Variants in HK1 observed in about 807,000 individuals in gnomAD.
The protein encoded by HK1 is hexokinase 1.
A neutral mutation model predicts 91.6 loss-of-function variants in HK1; 28 were observed. The ratio of observed to expected loss-of-function variants is 0.31; its 90% CI spans 0.23 to 0.42. HK1 has a LOEUF of 0.42. Ranked by LOEUF, HK1 falls within the 10% of genes least tolerant of loss-of-function variation. The pLI, the probability that HK1 is intolerant of heterozygous loss-of-function variation, is 1.00. For synonymous variants in HK1, 430 were observed against 468.1 expected (o/e 0.92, Z 1.05); for missense variants, 770 against 1,219.8 (o/e 0.63, Z 5.49).
chr10:69,333,586 G>A (rs1389487326), intron 1 of HK1, among the ~76,000 whole-genome samples: 1 of 152,064 alleles, frequency 6.6e-6, no homozygotes, highest in Non-Finnish European at 1.5e-5. Context: ...CCCTACTCAG[G>A]TTCTCCTAGG....
chr10:69,288,757 GC>G (rs1413333035), exon 3 of HK1: 1 of 1,613,622 alleles, frequency 6.2e-7, no homozygotes. Flanking sequence ...GGGCAGATCT[GC>G]CAGCGAGAAT....
At chr10:69,277,546 C>T (rs866856629) in intron 1 of HK1, among the ~76,000 whole-genome samples, 5 of 151,970 alleles carry the variant, frequency 3.3e-5, no homozygotes, top group Non-Finnish European at 2.9e-5. Flanking sequence ...CCAGCCCGGG[C>T]GACAGAGTAA....
chr10:69,326,129 T>C (rs1002556412), intron 1 of HK1, among the ~76,000 whole-genome samples: 10 of 150,368 alleles, frequency 6.7e-5, no homozygotes, highest in African/African-American at 2.0e-4. Flanking sequence ...CCACCGCGCC[T>C]GGCCGCTTTT....
chr10:69,330,700 G>A (rs1847668406), intron 1 of HK1, among the ~76,000 whole-genome samples: 1 of 151,964 alleles, frequency 6.6e-6, no homozygotes, highest in African/African-American at 2.4e-5. Flanking sequence ...AGAAGAAAGG[G>A]ACATCCTTAT....
Position 69,384,930 on chromosome 10 carries a change from T to G in HK1, c.1839+15T>G, listed in dbSNP as rs1839563024. On this transcript the variant is annotated intron_variant, in intron 12 of 17. Coordinates refer to ENST00000359426, the MANE Select transcript of HK1 (RefSeq NM_000188.3). The stretch of plus-strand genomic sequence containing the variant: ...GTCTGGACGCGGTGAGTCTCTGTTC[T>G]TAGGGCTCAGTGATCGGGCAGCACT... The G allele has an allele frequency of 6.2e-7, 1 of 1,614,130 alleles. No homozygotes were observed. The highest frequency in any genetic ancestry group is 1.3e-5 in the African/African-American group (1 of 75,032).
At position 69,401,167 on chromosome 10, in the gene HK1, A is replaced by G. The variant is rs531003501; in HGVS notation, c.*32A>G. Reference sequence around the variant, plus strand: ...GGGATCCCCAGCCTACTGCCTCTCCAGCACTTCTCTCTTCAAGCGGCGACC... The same window carrying G: ...GGGATCCCCAGCCTACTGCCTCTCCGGCACTTCTCTCTTCAAGCGGCGACC... On this transcript the variant is annotated 3_prime_UTR_variant, in exon 18 of 18. Coordinates refer to ENST00000359426, the MANE Select transcript of HK1 (RefSeq NM_000188.3). The G allele has an allele frequency of 1.2e-6, 2 of 1,606,140 alleles. No individual in the cohort carries two copies. Among genetic ancestry groups the G allele is most frequent in the South Asian group, 2.2e-5 (2 of 90,324 alleles).
At chr10:69,271,541 A>G (rs1023867260) in intron 1 of HK1, among the ~76,000 whole-genome samples, 2 of 149,630 alleles carry the variant, frequency 1.3e-5, no homozygotes, top group Admixed American at 6.7e-5. Context: ...CAGTGGCGCA[A>G]TCTCGGCTCA....
chr10:69,389,160 A>G (rs936054099), intron 13 of HK1, 37 bp from the exon 14 acceptor site: 33 of 1,497,376 alleles, frequency 2.2e-5, no homozygotes, highest in Middle Eastern at 3.6e-4. Flanking sequence ...AGGCATAGTG[A>G]TCCTATTCCT....
At chr10:69,275,341 C>T (rs565264946) in intron 1 of HK1, among the ~76,000 whole-genome samples, 63 of 150,548 alleles carry the variant, frequency 4.2e-4, no homozygotes, top group African/African-American at 1.4e-3. Flanking sequence ...AGCAACATGG[C>T]GAGACCCCAT....
At chr10:69,318,567 G>A (rs1846789505), upstream of HK1, among the ~76,000 whole-genome samples, 1 of 152,172 alleles carries the variant, frequency 6.6e-6, no homozygotes, top group Admixed American at 6.5e-5. Context: ...GCCCGCATCG[G>A]CTCCCTACGT....
In HK1 at chr10:69,283,605, AC is replaced by A. The variant is rs1564751332; in HGVS notation, c.-215+905del. Among the ~76,000 whole-genome samples, 6 of 151,392 alleles carry A rather than the reference AC, an allele frequency of 4.0e-5. 1 individual carries two copies. Among genetic ancestry groups the A allele is most frequent in the Admixed American group, 2.6e-4 (4 of 15,180 alleles). On this transcript the variant is annotated intron_variant, in intron 2 of 21. Transcript: ENST00000360289. Reference sequence around the variant, plus strand: ...AGACCAGCCTGGCCAACATGGTGAAACCCCATCTCTACTAAAAATACAAAAA... The same window carrying A: ...AGACCAGCCTGGCCAACATGGTGAAACCCATCTCTACTAAAAATACAAAAA...
chr10:69,271,994 G>C (rs1844196014), intron 1 of HK1, among the ~76,000 whole-genome samples: 1 of 152,078 alleles, frequency 6.6e-6, no homozygotes, highest in Non-Finnish European at 1.5e-5. Context: ...CTCCCGAGTA[G>C]CTGGGATTAC....
chr10:69,291,873 C>T (rs985197591), intron 3 of HK1, among the ~76,000 whole-genome samples: 2 of 152,108 alleles, frequency 1.3e-5, no homozygotes, highest in Non-Finnish European at 2.9e-5. Flanking sequence ...TATTAATTCT[C>T]ATGTAGGCTT....
chr10:69,317,177 A>G (rs1589472339), upstream of HK1, among the ~76,000 whole-genome samples: 1 of 152,238 alleles, frequency 6.6e-6, no homozygotes, highest in Non-Finnish European at 1.5e-5. Flanking sequence ...CTTTAACCGC[A>G]TTAACTTTTC....
intron 3 of HK1, among the ~76,000 whole-genome samples, chr10:69,364,414 A>C (rs928706628): frequency 3.3e-5 from 5 of 152,128 alleles, no homozygotes; most frequent in African/African-American, 1.2e-4. Context: ...AGGCCACTCC[A>C]CCTGGTGGCT....
intron 1 of HK1, among the ~76,000 whole-genome samples, chr10:69,328,567 A>G (rs1235973291): frequency 1.3e-5 from 2 of 152,326 alleles, no homozygotes; most frequent in Middle Eastern, 3.4e-3. Context: ...TGAGGCCCAG[A>G]TAGTGAACGA....
intron 17 of HK1, among the ~76,000 whole-genome samples, chr10:69,400,321 A>G (rs1021238679): frequency 6.6e-6 from 1 of 152,180 alleles, no homozygotes; most frequent in African/African-American, 2.4e-5. Flanking sequence ...CCCTCACCAC[A>G]AGCATCTTCA....
chr10:69,345,191 C>A (rs1232526701), intron 2 of HK1, among the ~76,000 whole-genome samples: 1 of 152,132 alleles, frequency 6.6e-6, no homozygotes, highest in East Asian at 1.9e-4. Flanking sequence ...TTGTGCTGTT[C>A]ACTGTGGCCA....
intron 2 of HK1, among the ~76,000 whole-genome samples, chr10:69,352,846 T>G (rs1848946028): frequency 6.6e-6 from 1 of 152,156 alleles, no homozygotes; most frequent in African/African-American, 2.4e-5. Flanking sequence ...ACTGAATTTT[T>G]CACTTTAAAA....
Sources: allele counts gnomAD v4.1 joint callset (sites outside exome capture counted in the v4.1 genomes callset), GRCh38; gene constraint gnomAD v4.1.1; transcripts MANE v1.5; gene names NCBI Gene and HGNC (gene_info 2026-07-23, HGNC 2026-07-21).